Variants in TMTC3 observed in about 807,000 individuals in gnomAD.
TMTC3 encodes the protein transmembrane O-mannosyltransferase targeting cadherins 3, also known as protein O-mannosyl-transferase TMTC3.
Under a neutral mutation model 92.2 loss-of-function variants are expected in TMTC3, and 52 were observed. The observed-to-expected ratio is 0.56, with a 90% confidence interval of 0.45 to 0.71. The LOEUF is 0.71. Ranked by LOEUF, TMTC3 falls within the 30% of genes least tolerant of loss-of-function variation. The pLI is 0.00. For synonymous variants in TMTC3, 339 were observed against 363.3 expected, an observed-to-expected ratio of 0.93 and a Z score of 0.76; for missense variants, 896 against 1,057.1, an observed-to-expected ratio of 0.85 and a Z score of 2.11.
chr12:88,184,696 A>C (rs1287383121), intron 10 of TMTC3, among the ~76,000 whole-genome samples: 1 of 152,230 alleles, frequency 6.6e-6, no homozygotes, highest in Non-Finnish European at 1.5e-5. Flanking sequence ...AGAAGAAATA[A>C]AACAAATTTC....
At chr12:88,144,064 G>A (rs977398560) in intron 1 of TMTC3, among the ~76,000 whole-genome samples, 2 of 152,204 alleles carry the variant, frequency 1.3e-5, no homozygotes, top group Admixed American at 6.5e-5. Flanking sequence ...ACGAGCAGAC[G>A]TCCCACCTTT....
rs2041428841 is a variant in TMTC3 at position 88,190,369 on chromosome 12, T to C, written c.1537-84T>C. The C allele has an allele frequency of 7.8e-6, 10 of 1,274,088 alleles. No homozygotes were observed. In the South Asian group the frequency reaches 1.4e-4, roughly 18 times the overall value. The allele number at this position is 1,274,088 out of a possible 1,614,324, so 78.9% of individuals were successfully genotyped here. ...ATTTTTTACAGTATGTTCTGAGTTA[T>C]TTTGAATTAGCCAATAGGAATATGT... On this transcript the variant is annotated intron_variant, in intron 11 of 13. Coordinates refer to ENST00000266712, the MANE Select transcript of TMTC3 (RefSeq NM_181783.4).
chr12:88,192,310 A>G (rs1019112390), intron 12 of TMTC3, among the ~76,000 whole-genome samples: 5 of 152,120 alleles, frequency 3.3e-5, no homozygotes, highest in African/African-American at 4.8e-5. Flanking sequence ...GTCAAAGAAT[A>G]TATTTGCTCT....
intron 10 of TMTC3, among the ~76,000 whole-genome samples, chr12:88,187,450 C>CT (rs2041390748): frequency 1.3e-5 from 2 of 152,068 alleles, no homozygotes; most frequent in Non-Finnish European, 2.9e-5. Flanking sequence ...GCTGAAGTAT[C>CT]TGACTTTTTT....
intron 4 of TMTC3, among the ~76,000 whole-genome samples, chr12:88,156,470 C>T (rs1408283020): frequency 5.9e-5 from 9 of 152,184 alleles, no homozygotes; most frequent in Non-Finnish European, 7.3e-5. Flanking sequence ...GAGGCCAGTC[C>T]ACCATCCCTC....
At chr12:88,177,280 C>T (rs765867997) in intron 10 of TMTC3, among the ~76,000 whole-genome samples, 1 of 150,168 alleles carries the variant, frequency 6.7e-6, no homozygotes, top group Non-Finnish European at 1.5e-5. Context: ...GAGCCAAGAT[C>T]GCACCACTGC....
chr12:88,144,253 C>T (rs1299130621), intron 1 of TMTC3, among the ~76,000 whole-genome samples: 1 of 152,128 alleles, frequency 6.6e-6, no homozygotes, highest in Non-Finnish European at 1.5e-5. Context: ...TACCCAGCCC[C>T]TATTCAAGAT....
chr12:88,196,168 T>G lies in TMTC3; in HGVS notation c.*519T>G, dbSNP rs1406646338. ...TTATGTTGTATTCCTTAGTTGAGTT[T>G]TAGAAGGAATGCTTGATGAAACATT... On this transcript the variant is annotated 3_prime_UTR_variant, in exon 14 of 14. Transcript: ENST00000266712. 1 of 152,302 alleles carries G rather than the reference T, an allele frequency of 6.6e-6. No homozygotes were observed. The highest frequency in any genetic ancestry group is 1.5e-5 in the Non-Finnish European group (1 of 67,940). 9.4% of individuals were successfully genotyped at this position (152,302 alleles called of 1,614,324 possible).
rs1171374183 is a variant in TMTC3 at position 88,153,337 on chromosome 12, G to A, written c.236G>A (p.Arg79His). 5 of 1,613,088 alleles carry A rather than the reference G, an allele frequency of 3.1e-6. No individual in the cohort carries two copies. The highest frequency in any genetic ancestry group is 1.3e-5 in the African/African-American group (1 of 74,966). ...CGTCCCTTAACAGTATTGACATTTC[G>A]CTTAAATTATTTGTTAAGTGAACTA... ...SYRPLTVLTF[R>H]LNYLLSELKP... The change falls in exon 3 of 14, where the codon CGC (arginine) becomes CAC (histidine). Residue 79 changes from arginine (R) to histidine (H), a missense_variant. Transcript: ENST00000266712.
chr12:88,167,838 T>C (rs918934188), intron 7 of TMTC3, among the ~76,000 whole-genome samples: 3 of 152,214 alleles, frequency 2.0e-5, no homozygotes, highest in Non-Finnish European at 4.4e-5. Flanking sequence ...AGAAATCTTA[T>C]CCATTAACAT....
chr12:88,183,812 C>T (rs551871673), intron 10 of TMTC3, among the ~76,000 whole-genome samples: 25 of 152,216 alleles, frequency 1.6e-4, no homozygotes, highest in African/African-American at 4.6e-4. Context: ...ATTGAGCCTG[C>T]GAAACTGGGG....
At chr12:88,159,955 A>G (rs1189976150) in intron 4 of TMTC3, among the ~76,000 whole-genome samples, 159 bp from the exon 5 acceptor site, 1 of 152,142 alleles carries the variant, frequency 6.6e-6, no homozygotes, top group African/African-American at 2.4e-5. Context: ...GAATGTATAA[A>G]GTAAAAATTA....
intron 8 of TMTC3, 134 bp from the exon 9 acceptor site, chr12:88,174,473 T>C: frequency 1.9e-6 from 2 of 1,052,062 alleles, no homozygotes; most frequent in East Asian, 5.5e-5. Context: ...GGGTGTTCAT[T>C]AGAATGAATT....
At chr12:88,172,938 C>T in intron 8 of TMTC3, 193 bp downstream of exon 8, 1 of 1,478,820 alleles carries the variant, frequency 6.8e-7, no homozygotes. Flanking sequence ...TGTGTTCTTC[C>T]CTATATTTAT....
In TMTC3 at chr12:88,195,639, ATGG is replaced by A. The variant is rs1295347068; in HGVS notation, c.2738_2740del (p.Gly913del). The A allele has an allele frequency of 6.3e-7, 1 of 1,586,414 alleles. No individual in the cohort carries two copies. Among genetic ancestry groups the A allele is most frequent in the Non-Finnish European group, 8.5e-7 (1 of 1,170,278 alleles). ...CTAGAAGAGATTGAACGTATTTTAA[ATGG>A]TGAATAACATTAATATTTATCGTGA... is the stretch of plus-strand genomic sequence containing the variant. On this transcript the variant is annotated inframe_deletion, in exon 14 of 14. Transcript: ENST00000266712.
intron 4 of TMTC3, among the ~76,000 whole-genome samples, chr12:88,154,860 G>A (rs1470215311): frequency 1.3e-5 from 2 of 152,088 alleles, no homozygotes; most frequent in African/African-American, 2.4e-5. Context: ...AAAGTGCTTC[G>A]AATACATTAG....
intron 10 of TMTC3, among the ~76,000 whole-genome samples, chr12:88,184,820 CACAT>C (rs2041357960): frequency 6.6e-6 from 1 of 151,966 alleles, no homozygotes; most frequent in Non-Finnish European, 1.5e-5. Flanking sequence ...TATACACACA[CACAT>C]ATGCATGCAC....
chr12:88,193,879 A>T (rs552559009), intron 13 of TMTC3, among the ~76,000 whole-genome samples: 41 of 152,080 alleles, frequency 2.7e-4, no homozygotes, highest in Non-Finnish European at 3.7e-4. Context: ...TAGAACTTGA[A>T]CTTTTTTGTT....
chr12:88,157,373 A>T (rs998514675), intron 4 of TMTC3, among the ~76,000 whole-genome samples: 31 of 151,500 alleles, frequency 2.0e-4, no homozygotes, highest in African/African-American at 7.3e-4. Flanking sequence ...AATTCTTTAT[A>T]TTCATTTTAA....
Sources: gnomAD v4.1 joint callset for allele counts (sites outside exome capture counted in the v4.1 genomes callset) on GRCh38, gnomAD v4.1.1 for gene constraint, MANE v1.5 for transcripts, NCBI Gene and HGNC (gene_info 2026-07-23, HGNC 2026-07-21) for gene names.